Variants in DCC observed in about 807,000 individuals in gnomAD.
The protein encoded by DCC is DCC netrin 1 receptor, also known as netrin receptor DCC.
DCC carries 58 observed loss-of-function variants against 172.5 expected under a neutral mutation model. The ratio of observed to expected loss-of-function variants is 0.34; its 90% CI spans 0.27 to 0.42. The LOEUF is 0.42. Ranked by LOEUF, DCC falls within the 10% of genes least tolerant of loss-of-function variation. The probability of loss-of-function intolerance (pLI) is 1.00; values close to 1 mark genes in which losing one functional copy is unlikely to be tolerated. For synonymous variants in DCC, 709 were observed against 644.5 expected, an observed-to-expected ratio of 1.10 and a Z score of -1.52; for missense variants, 1,740 against 1,791.0, an observed-to-expected ratio of 0.97 and a Z score of 0.51.
At chr18:52,476,323 C>T (rs1050362888) in intron 1 of DCC, among the ~76,000 whole-genome samples, 2 of 152,134 alleles carry the variant, frequency 1.3e-5, no homozygotes, top group Admixed American at 1.3e-4. Flanking sequence ...GCATAACAAA[C>T]CTTAGATTTA....
chr18:52,495,123 C>T (rs2144612795), intron 1 of DCC, among the ~76,000 whole-genome samples: 1 of 152,254 alleles, frequency 6.6e-6, no homozygotes, highest in South Asian at 2.1e-4. Context: ...GGGTCTCACA[C>T]TTTAATCCTT....
intron 7 of DCC, among the ~76,000 whole-genome samples, chr18:53,120,679 T>C (rs763719833): frequency 2.6e-5 from 4 of 151,794 alleles, no homozygotes; most frequent in Non-Finnish European, 5.9e-5. Context: ...ATCTTGCTGC[T>C]AAATTATTTT....
intron 1 of DCC, among the ~76,000 whole-genome samples, chr18:52,430,222 TAACTC>T (rs1987575391): frequency 6.6e-6 from 1 of 151,914 alleles, no homozygotes; most frequent in South Asian, 2.1e-4. Flanking sequence ...CTTAGAAACA[TAACTC>T]TGACAGTCAA....
Position 52,546,785 on chromosome 18 carries a change from A to C in DCC, c.92-205269A>C, listed in dbSNP as rs150613274. Reference sequence around the variant, plus strand: ...CATGTCATTCTATTTTTCAATTGGCACTTGGGTTGCTGCTTGGCCAATTCT... The same window carrying C: ...CATGTCATTCTATTTTTCAATTGGCCCTTGGGTTGCTGCTTGGCCAATTCT... On this transcript the variant is annotated intron_variant, in intron 1 of 28. Transcript: ENST00000442544. Among the ~76,000 whole-genome samples the C allele has an allele frequency of 5.9e-5, 9 of 152,160 alleles. No individual in the cohort carries two copies. In the East Asian group the frequency reaches 1.7e-3, roughly 29 times the overall value.
At chr18:53,454,452 G>A (rs1259572893) in intron 23 of DCC, among the ~76,000 whole-genome samples, 1 of 152,198 alleles carries the variant, frequency 6.6e-6, no homozygotes, top group Non-Finnish European at 1.5e-5. Flanking sequence ...CATGTTATTA[G>A]TTAGACTTTA....
At chr18:52,938,008 G>C (rs2040406066) in intron 5 of DCC, among the ~76,000 whole-genome samples, 1 of 152,094 alleles carries the variant, frequency 6.6e-6, no homozygotes, top group Non-Finnish European at 1.5e-5. Context: ...GGCAACTCCA[G>C]CTCAGTGCCT....
At chr18:52,860,828 T>A (rs2145360657) in intron 2 of DCC, among the ~76,000 whole-genome samples, 1 of 152,008 alleles carries the variant, frequency 6.6e-6, no homozygotes. Flanking sequence ...TGGAACCCCA[T>A]CTCTACTAAA....
intron 23 of DCC, among the ~76,000 whole-genome samples, chr18:53,451,912 G>A (rs558075234): frequency 6.2e-4 from 94 of 152,228 alleles, no homozygotes; most frequent in African/African-American, 2.0e-3. Flanking sequence ...TTATTTCTAT[G>A]GCAGGACAAA....
At chr18:52,720,533 T>G (rs1427801299) in intron 1 of DCC, among the ~76,000 whole-genome samples, 1 of 152,158 alleles carries the variant, frequency 6.6e-6, no homozygotes, top group Non-Finnish European at 1.5e-5. Context: ...ATGATACCTC[T>G]GAACCCACGG....
intron 1 of DCC, among the ~76,000 whole-genome samples, chr18:52,355,451 T>C (rs1441719486): frequency 6.6e-6 from 1 of 152,220 alleles, no homozygotes; most frequent in Non-Finnish European, 1.5e-5. Context: ...ACCCTCACTA[T>C]GATTCAGGGT....
chr18:52,951,328 C>A lies in DCC; in HGVS notation c.985+25958C>A, dbSNP rs900930790. 4.6e-5 allele frequency among the ~76,000 whole-genome samples: 7 copies of A among 152,206 alleles called. No homozygotes were observed. The South Asian group carries it at 1.2e-3, about 27-fold the overall frequency. On this transcript the variant is annotated intron_variant, in intron 5 of 28. Coordinates refer to ENST00000442544, the MANE Select transcript of DCC (RefSeq NM_005215.4). Reference sequence around the variant, plus strand: ...ATGTGCAGAATGTGCAGGTTTGTTACACAGGTATACATGTGCCACGGTGGT... The same window carrying A: ...ATGTGCAGAATGTGCAGGTTTGTTAAACAGGTATACATGTGCCACGGTGGT...
intron 12 of DCC, among the ~76,000 whole-genome samples, chr18:53,236,027 A>G (rs2056197976): frequency 6.6e-6 from 1 of 152,158 alleles, no homozygotes; most frequent in African/African-American, 2.4e-5. Context: ...TTTCAAGGAT[A>G]TTACAGATAA....
At chr18:52,969,949 G>A (rs4940229) in intron 5 of DCC, among the ~76,000 whole-genome samples, 102,392 of 151,840 alleles carry the variant, frequency 0.67, 34,801 homozygotes, top group Non-Finnish European at 0.72. Flanking sequence ...TGTTTGCAAT[G>A]TTGTCAGAGA....
intron 27 of DCC, among the ~76,000 whole-genome samples, chr18:53,520,426 T>C (rs1354561979): frequency 6.6e-6 from 1 of 152,036 alleles, no homozygotes. Context: ...GTGTAGAAGA[T>C]GGATTGAGAA....
chr18:52,389,010 T>A (rs1985927309), intron 1 of DCC, among the ~76,000 whole-genome samples: 1 of 152,078 alleles, frequency 6.6e-6, no homozygotes, highest in African/African-American at 2.4e-5. Flanking sequence ...CTGCTGGGTG[T>A]TAGTTGTGTA....
chr18:52,479,493 AAAAT>A (rs1307561625), intron 1 of DCC, among the ~76,000 whole-genome samples: 257 of 152,054 alleles, frequency 1.7e-3, no homozygotes, highest in African/African-American at 6.0e-3. Flanking sequence ...GGACATCTAC[AAAAT>A]CTGTGTACCA....
In DCC at chr18:53,108,163, G is replaced by A. The variant is rs568212104; in HGVS notation, c.1261+41997G>A. Among the ~76,000 whole-genome samples, 484 of 92,572 alleles carry A rather than the reference G, an allele frequency of 5.2e-3. 1 individual carries two copies. Among genetic ancestry groups the A allele is most frequent in the Middle Eastern group, 0.016 (3 of 184 alleles). 60.7% of individuals were successfully genotyped at this position (92,572 alleles called of 152,430 possible). On this transcript the variant is annotated intron_variant, in intron 7 of 28. Transcript: ENST00000442544. ...ATAAGACTTATATGGAAGAATGCAC[G>A]TAAAGACATACACAGAAAAACACAC...
intron 1 of DCC, among the ~76,000 whole-genome samples, chr18:52,375,849 C>T (rs1243617932): frequency 1.3e-5 from 2 of 152,184 alleles, no homozygotes; most frequent in Admixed American, 6.5e-5. Context: ...AGGTCAGATC[C>T]TGACCCCAGG....
intron 8 of DCC, among the ~76,000 whole-genome samples, chr18:53,167,140 C>A (rs570972402): frequency 5.3e-5 from 8 of 152,244 alleles, no homozygotes; most frequent in African/African-American, 1.9e-4. Flanking sequence ...GTGTTTGACC[C>A]CTCAAGGCAG....
Sources: gnomAD v4.1 joint callset for allele counts (sites outside exome capture counted in the v4.1 genomes callset) on GRCh38, gnomAD v4.1.1 for gene constraint, MANE v1.5 for transcripts, NCBI Gene and HGNC (gene_info 2026-07-23, HGNC 2026-07-21) for gene names.